Variants in NELL1 observed in about 807,000 individuals in gnomAD.
NELL1 encodes the protein neural EGFL like 1.
NELL1 carries 76 observed loss-of-function variants against 107.4 expected under a neutral mutation model. That is an observed-to-expected ratio of 0.71 (90% CI 0.59 to 0.86). NELL1 has a LOEUF of 0.86. Among genes scored for constraint, NELL1 ranks in the 40% least tolerant of loss-of-function variants. The probability of loss-of-function intolerance (pLI) is 0.00; values close to 1 mark genes in which losing one functional copy is unlikely to be tolerated. For synonymous variants in NELL1, 353 were observed against 341.2 expected, an observed-to-expected ratio of 1.03 and a Z score of -0.38; for missense variants, 1,024 against 1,005.5, an observed-to-expected ratio of 1.02 and a Z score of -0.25.
intron 2 of NELL1, among the ~76,000 whole-genome samples, chr11:20,745,852 A>AG (rs1198013636): frequency 1.3e-5 from 2 of 152,216 alleles, no homozygotes; most frequent in African/African-American, 4.8e-5. Context: ...ACACATAGGA[A>AG]GTAATGGCTG....
At chr11:21,093,445 A>G (rs1854566891) in intron 12 of NELL1, among the ~76,000 whole-genome samples, 1 of 152,122 alleles carries the variant, frequency 6.6e-6, no homozygotes, top group Non-Finnish European at 1.5e-5. Flanking sequence ...CAAAGATTGT[A>G]CTTGTCAACT....
chr11:20,774,747 G>T (rs1856715595), intron 2 of NELL1, among the ~76,000 whole-genome samples: 1 of 152,092 alleles, frequency 6.6e-6, no homozygotes, highest in South Asian at 2.1e-4. Flanking sequence ...CAGAGGGCAG[G>T]GCAAGGACTG....
intron 14 of NELL1, among the ~76,000 whole-genome samples, chr11:21,304,797 A>T (rs1473524612): frequency 6.6e-6 from 1 of 151,914 alleles, no homozygotes; most frequent in Admixed American, 6.6e-5. Context: ...TAGGGTGCAA[A>T]TACCAGTGCC....
intron 14 of NELL1, among the ~76,000 whole-genome samples, chr11:21,230,100 A>G (rs1858006790): frequency 6.6e-6 from 1 of 151,918 alleles, no homozygotes; most frequent in African/African-American, 2.4e-5. Context: ...TCATGTCTCT[A>G]CTCAAATGTC....
chr11:20,744,536 T>C (rs1519726), intron 2 of NELL1, among the ~76,000 whole-genome samples: 120,984 of 151,890 alleles, frequency 0.8, 48,565 homozygotes, highest in Middle Eastern at 0.9. Flanking sequence ...AGTTCAGCTT[T>C]AAGTTGTTGG....
chr11:20,993,995 C>T (rs1378417003), intron 12 of NELL1, among the ~76,000 whole-genome samples: 1 of 151,794 alleles, frequency 6.6e-6, no homozygotes, highest in Non-Finnish European at 1.5e-5. Flanking sequence ...TTTATATTTT[C>T]AAAGATAGAA....
At chr11:21,202,519 C>A (rs559853196) in intron 13 of NELL1, among the ~76,000 whole-genome samples, 2 of 152,042 alleles carry the variant, frequency 1.3e-5, no homozygotes. Context: ...TCTCTCATTT[C>A]TTCTTTATTA....
At chr11:21,030,001 G>A (rs1852913548) in intron 12 of NELL1, among the ~76,000 whole-genome samples, 1 of 152,200 alleles carries the variant, frequency 6.6e-6, no homozygotes. Context: ...GTACTTGAGA[G>A]ATTGCCAGTA....
At chr11:21,088,171 A>G (rs1478758036) in intron 12 of NELL1, among the ~76,000 whole-genome samples, 1 of 151,824 alleles carries the variant, frequency 6.6e-6, no homozygotes, top group Non-Finnish European at 1.5e-5. Context: ...ACCTGGCCAT[A>G]GGAGTTTATA....
intron 3 of NELL1, among the ~76,000 whole-genome samples, chr11:20,840,977 C>T (rs1158671995): frequency 4.6e-5 from 7 of 152,308 alleles, no homozygotes; most frequent in African/African-American, 1.7e-4. Context: ...ATAACTTGTG[C>T]CCATTGTTAC....
At chr11:21,566,600 A>C (rs758207999) in intron 17 of NELL1, among the ~76,000 whole-genome samples, 1 of 151,910 alleles carries the variant, frequency 6.6e-6, no homozygotes, top group Non-Finnish European at 1.5e-5. Flanking sequence ...AGATTGCAAA[A>C]ATACATCTTT....
intron 15 of NELL1, among the ~76,000 whole-genome samples, chr11:21,375,452 T>C (rs936666597): frequency 1.5e-4 from 23 of 152,292 alleles, no homozygotes; most frequent in East Asian, 7.7e-4. Flanking sequence ...CACTCCACTA[T>C]TGAGCACTTA....
intron 15 of NELL1, among the ~76,000 whole-genome samples, chr11:21,448,329 A>G (rs1401213628): frequency 6.6e-6 from 1 of 152,000 alleles, no homozygotes; most frequent in Non-Finnish European, 1.5e-5. Context: ...TTTTTATGCT[A>G]CTGCTGATTG....
chr11:21,290,138 G>A (rs1029851943), intron 14 of NELL1, among the ~76,000 whole-genome samples: 5 of 152,120 alleles, frequency 3.3e-5, no homozygotes, highest in Non-Finnish European at 7.4e-5. Context: ...GGGAGGCCGA[G>A]GTGGGCGGAT....
chr11:21,417,551 T>A (rs1028883459), intron 15 of NELL1, among the ~76,000 whole-genome samples: 1 of 152,042 alleles, frequency 6.6e-6, no homozygotes, highest in Non-Finnish European at 1.5e-5. Flanking sequence ...TAGTAAATCA[T>A]CTGTGATGTA....
intron 14 of NELL1, among the ~76,000 whole-genome samples, chr11:21,283,024 G>T (rs1397909215): frequency 6.6e-6 from 1 of 152,050 alleles, no homozygotes; most frequent in Non-Finnish European, 1.5e-5. Context: ...AAAGAAGCTG[G>T]GAAGGATAGT....
intron 3 of NELL1, among the ~76,000 whole-genome samples, chr11:20,784,846 G>A (rs1856921896): frequency 6.6e-6 from 1 of 152,096 alleles, no homozygotes; most frequent in Non-Finnish European, 1.5e-5. Flanking sequence ...GGTGGAGTTT[G>A]GCAATGCAGG....
chr11:21,227,395 T>G (rs1265444435), intron 13 of NELL1, among the ~76,000 whole-genome samples: 1 of 152,210 alleles, frequency 6.6e-6, no homozygotes, highest in East Asian at 1.9e-4. Context: ...CTCTTATCAC[T>G]TATCTTCTGT....
chr11:21,295,150 C>T (rs991348511), intron 14 of NELL1, among the ~76,000 whole-genome samples: 22 of 151,944 alleles, frequency 1.4e-4, no homozygotes, highest in Non-Finnish European at 3.1e-4. Context: ...TCACATTCAC[C>T]CATTATGTTG....
Sources: allele counts gnomAD v4.1 joint callset (sites outside exome capture counted in the v4.1 genomes callset), GRCh38; gene constraint gnomAD v4.1.1; transcripts MANE v1.5; gene names NCBI Gene and HGNC (gene_info 2026-07-23, HGNC 2026-07-21).